The following PPFIBP1 variants were observed in gnomAD, a reference collection of about 807,000 sequenced individuals.
The protein encoded by PPFIBP1 is liprin-beta-1.
In PPFIBP1, 112 loss-of-function variants were observed where a neutral mutation model predicts 137.8. That is an observed-to-expected ratio of 0.81 (90% CI 0.70 to 0.95). PPFIBP1 has a LOEUF of 0.95. Ranked by LOEUF, PPFIBP1 falls within the 40% of genes least tolerant of loss-of-function variation. PPFIBP1 has a pLI of 0.00. For synonymous variants in PPFIBP1, 378 were observed against 417.3 expected, an observed-to-expected ratio of 0.91 and a Z score of 1.15; for missense variants, 1,083 against 1,196.6, an observed-to-expected ratio of 0.91 and a Z score of 1.40.
chr12:27,610,802 A>G (rs1202496658), intron 2 of PPFIBP1, among the ~76,000 whole-genome samples: 1 of 151,974 alleles, frequency 6.6e-6, no homozygotes, highest in Non-Finnish European at 1.5e-5. Context: ...GATTTTGCTT[A>G]TTACTTATAC....
At chr12:27,579,427 C>T (rs1237830202) in intron 2 of PPFIBP1, among the ~76,000 whole-genome samples, 2 of 152,212 alleles carry the variant, frequency 1.3e-5, no homozygotes, top group Non-Finnish European at 2.9e-5. Flanking sequence ...ATTACCAGCA[C>T]CTCAGAGCCT....
intron 2 of PPFIBP1, among the ~76,000 whole-genome samples, chr12:27,600,813 A>C (rs1318697290): frequency 2.0e-5 from 3 of 152,204 alleles, no homozygotes; most frequent in African/African-American, 4.8e-5. Flanking sequence ...AAAAATGATT[A>C]AAATTGTATT....
chr12:27,574,250 GC>G (rs2050378968), intron 1 of PPFIBP1, among the ~76,000 whole-genome samples: 1 of 151,996 alleles, frequency 6.6e-6, no homozygotes, highest in Non-Finnish European at 1.5e-5. Context: ...AGCTCTTTTT[GC>G]CAGGCTATGA....
chr12:27,563,277 T>TAA (rs869044515), intron 1 of PPFIBP1, among the ~76,000 whole-genome samples: 546 of 22,148 alleles, frequency 0.025, 63 homozygotes, highest in Non-Finnish European at 0.025. Context: ...CCATCTCTAC[T>TAA]AAAAAAAAAA....
chr12:27,602,874 C>T lies in PPFIBP1; in HGVS notation c.-36+24635C>T, dbSNP rs1318042573. 2.0e-5 allele frequency among the ~76,000 whole-genome samples: 3 copies of T among 152,312 alleles called. No homozygotes were observed. The East Asian group carries it at 5.8e-4, about 29-fold the overall frequency. On this transcript the variant is annotated intron_variant, in intron 2 of 29. Transcript: ENST00000228425. Reference sequence around the variant, plus strand: ...AGATAGCCTCATTTAGTTTTTGCAACAACCCTTTCCAGTAGAAATTGCAGG... The same window carrying T: ...AGATAGCCTCATTTAGTTTTTGCAATAACCCTTTCCAGTAGAAATTGCAGG...
chr12:27,600,247 G>T (rs1304177605), intron 2 of PPFIBP1, among the ~76,000 whole-genome samples: 1 of 152,048 alleles, frequency 6.6e-6, no homozygotes, highest in Non-Finnish European at 1.5e-5. Flanking sequence ...AGACCAGCCT[G>T]GCCAACGGTG....
At chr12:27,624,559 C>A (rs1205300424) in intron 2 of PPFIBP1, among the ~76,000 whole-genome samples, 1 of 152,224 alleles carries the variant, frequency 6.6e-6, no homozygotes. Context: ...TTTCCTTTTA[C>A]CTCATCCTAT....
chr12:27,597,736 G>A (rs551592805), intron 2 of PPFIBP1, among the ~76,000 whole-genome samples: 8 of 152,308 alleles, frequency 5.3e-5, no homozygotes, highest in African/African-American at 1.2e-4. Context: ...GAGTGATCCC[G>A]AGGATAGAAG....
intron 2 of PPFIBP1, among the ~76,000 whole-genome samples, chr12:27,600,853 T>A (rs942179501): frequency 3.3e-5 from 5 of 152,334 alleles, no homozygotes; most frequent in Non-Finnish European, 7.4e-5. Context: ...TATTTTTAAT[T>A]GACATGTTTG....
At chr12:27,688,698 T>G (rs2061338431) in intron 26 of PPFIBP1, among the ~76,000 whole-genome samples, 1 of 152,208 alleles carries the variant, frequency 6.6e-6, no homozygotes, top group East Asian at 1.9e-4. Context: ...CCTGCAAGGA[T>G]GCAGATTGTA....
At chr12:27,580,790 G>A (rs1249618982) in intron 2 of PPFIBP1, among the ~76,000 whole-genome samples, 1 of 152,204 alleles carries the variant, frequency 6.6e-6, no homozygotes, top group Non-Finnish European at 1.5e-5. Flanking sequence ...AGTCAGTGAA[G>A]ACACTCTTGG....
intron 27 of PPFIBP1, among the ~76,000 whole-genome samples, chr12:27,690,169 T>C (rs2061444234): frequency 6.8e-6 from 1 of 147,520 alleles, no homozygotes; most frequent in Admixed American, 6.7e-5. Flanking sequence ...GGTCCACTCC[T>C]ACTCGGATTT....
intron 2 of PPFIBP1, among the ~76,000 whole-genome samples, chr12:27,598,393 T>A (rs1183310784): frequency 6.6e-6 from 1 of 152,164 alleles, no homozygotes; most frequent in Non-Finnish European, 1.5e-5. Context: ...TTCACTGTCA[T>A]GAGAACAGCG....
In PPFIBP1 at chr12:27,564,037, T is replaced by C. The variant is rs542813236; in HGVS notation, c.-123-14115T>C. Among the ~76,000 whole-genome samples, 7 of 152,206 alleles carry C rather than the reference T, an allele frequency of 4.6e-5. No homozygotes were observed. The East Asian group carries it at 1.4e-3, about 29-fold the overall frequency. Reference sequence around the variant, plus strand: ...ACAGGTGCGTGCCACCACGACTGGCTAATTTTTGTATTTTTAGTAGAGACA... The same window carrying C: ...ACAGGTGCGTGCCACCACGACTGGCCAATTTTTGTATTTTTAGTAGAGACA... On this transcript the variant is annotated intron_variant, in intron 1 of 29. Transcript: ENST00000228425.
At chr12:27,625,330 G>A (rs1408628234) in intron 2 of PPFIBP1, among the ~76,000 whole-genome samples, 2 of 151,964 alleles carry the variant, frequency 1.3e-5, no homozygotes, top group Non-Finnish European at 2.9e-5. Context: ...TCAACTTATG[G>A]CTAATCTTGT....
chr12:27,671,671 C>T, intron 14 of PPFIBP1, 125 bp downstream of exon 14: 1 of 578,734 alleles, frequency 1.7e-6, no homozygotes, highest in Non-Finnish European at 3.1e-6. Flanking sequence ...GCAAGATGTC[C>T]ACTGGGGGAT....
rs2059094246 is a variant in PPFIBP1, at chr12:27,654,773, A to G, written c.655A>G (p.Ser219Gly). 6.2e-7 allele frequency: 1 copy of G among 1,612,344 alleles called. No homozygotes were observed. Among genetic ancestry groups the G allele is most frequent in the East Asian group, 2.2e-5 (1 of 44,776 alleles). Residue 219 changes from serine to glycine, a missense_variant, in exon 8 of 30, where the codon AGT (serine) becomes GGT (glycine). Physicochemically the swap from Ser to Gly is moderately conservative, Grantham distance 56. Coordinates refer to ENST00000228425, the MANE Select transcript of PPFIBP1 (RefSeq NM_003622.4). The part of the protein sequence containing the change: ...DLRLKVSEMD[S>G]ERLQYEKKLK... ...GAGGTTAAAAGTTAGTGAAATGGAC[A>G]GTGAGAGACTTCAGTATGAAAAAAA...
At chr12:27,614,220 A>C (rs1016385133) in intron 2 of PPFIBP1, among the ~76,000 whole-genome samples, 21 of 152,172 alleles carry the variant, frequency 1.4e-4, no homozygotes, top group Non-Finnish European at 2.6e-4. Context: ...TCTACCAAAA[A>C]TAAAATAAAT....
intron 2 of PPFIBP1, among the ~76,000 whole-genome samples, chr12:27,614,040 C>A (rs1480811377): frequency 6.6e-6 from 1 of 152,060 alleles, no homozygotes; most frequent in African/African-American, 2.4e-5. Flanking sequence ...TTTTAGCAGA[C>A]ATTTGTCCCT....
Sources: allele counts gnomAD v4.1 joint callset (sites outside exome capture counted in the v4.1 genomes callset), GRCh38; gene constraint gnomAD v4.1.1; transcripts MANE v1.5; gene names NCBI Gene and HGNC (gene_info 2026-07-23, HGNC 2026-07-21).